The following PLD5 variants were observed in gnomAD, a reference collection of about 807,000 sequenced individuals.
PLD5 encodes phospholipase D family member 5.
Under a neutral mutation model 61.1 loss-of-function variants are expected in PLD5, and 36 were observed. The ratio of observed to expected loss-of-function variants is 0.59; its 90% CI spans 0.45 to 0.78. PLD5 has a LOEUF of 0.78. PLD5 is among the 30% of genes least tolerant of loss of function. The pLI is 0.00. For synonymous variants in PLD5, 243 were observed against 242.8 expected (o/e 1.00, Z -0.01); for missense variants, 515 against 644.4 (o/e 0.80, Z 2.17).
chr1:242,264,690 T>A (rs1420705194), intron 4 of PLD5, among the ~76,000 whole-genome samples: 1 of 152,192 alleles, frequency 6.6e-6, no homozygotes, highest in African/African-American at 2.4e-5. Context: ...CTTTTCCTTT[T>A]AGAGGCTTAC....
rs547267193 is a variant in PLD5 at position 242,242,589 on chromosome 1, C to T, written c.608-22474G>A. ...AATTAACACAACAGGTATCTTTCACCACCCATTAATCACGGATCGTAGACA... is the reference window on the plus strand; with the variant it reads ...AATTAACACAACAGGTATCTTTCACTACCCATTAATCACGGATCGTAGACA... On this transcript the variant is annotated intron_variant, in intron 4 of 9. Coordinates refer to ENST00000536534, the MANE Select transcript of PLD5 (RefSeq NM_001372062.1). Among the ~76,000 whole-genome samples the T allele has an allele frequency of 1.4e-3, 218 of 152,292 alleles. 1 individual carries two copies. The highest frequency in any genetic ancestry group is 2.4e-3 in the Non-Finnish European group (165 of 68,026).
chr1:242,449,019 C>T (rs1225353422), intron 1 of PLD5, among the ~76,000 whole-genome samples: 1 of 152,196 alleles, frequency 6.6e-6, no homozygotes, highest in Admixed American at 6.5e-5. Context: ...ATGGAAATTA[C>T]AGTTACTTTC....
rs551579865 is a variant in PLD5 at position 242,410,363 on chromosome 1, T to C, written c.190-62121A>G. 3.4e-4 allele frequency among the ~76,000 whole-genome samples: 51 copies of C among 152,124 alleles called. No homozygotes were observed. In the South Asian group the frequency reaches 6.0e-3, roughly 18 times the overall value. Reference sequence around the variant, plus strand: ...ACAGTTATACCTGGACAGACACCTGTAAAAAACCCACTGGCTTTCCAGAGT... The same window carrying C: ...ACAGTTATACCTGGACAGACACCTGCAAAAAACCCACTGGCTTTCCAGAGT... On this transcript the variant is annotated intron_variant, in intron 1 of 9. Coordinates refer to ENST00000536534, the MANE Select transcript of PLD5 (RefSeq NM_001372062.1).
At chr1:242,253,005 C>T (rs1218969483) in intron 4 of PLD5, among the ~76,000 whole-genome samples, 1 of 151,374 alleles carries the variant, frequency 6.6e-6, no homozygotes, top group Non-Finnish European at 1.5e-5. Flanking sequence ...TTAGTAGAGA[C>T]ACGGTTTTAC....
At chr1:242,439,005 T>G (rs1320687744) in intron 1 of PLD5, among the ~76,000 whole-genome samples, 7 of 152,218 alleles carry the variant, frequency 4.6e-5, no homozygotes, top group Non-Finnish European at 8.8e-5. Flanking sequence ...TATATTTCTG[T>G]TTTCTTTACA....
chr1:242,511,532 G>A (rs1668907681), intron 1 of PLD5, among the ~76,000 whole-genome samples: 1 of 151,946 alleles, frequency 6.6e-6, no homozygotes, highest in South Asian at 2.1e-4. Context: ...GTGACAAGAA[G>A]TGCACTTGAC....
intron 5 of PLD5, among the ~76,000 whole-genome samples, chr1:242,135,173 A>T (rs577825603): frequency 6.6e-6 from 1 of 152,324 alleles, no homozygotes; most frequent in African/African-American, 2.4e-5. Context: ...AGACATATGT[A>T]TATATATGCA....
chr1:242,188,934 T>C (rs1420872135), intron 5 of PLD5: 1 of 152,128 alleles, frequency 6.6e-6, no homozygotes, highest in African/African-American at 2.4e-5. Flanking sequence ...GGTTGTAGAG[T>C]ATTTCCAAAT....
chr1:242,353,754 G>T (rs1660600974), intron 1 of PLD5, among the ~76,000 whole-genome samples: 1 of 151,758 alleles, frequency 6.6e-6, no homozygotes, highest in Non-Finnish European at 1.5e-5. Context: ...AATTATTCCA[G>T]CCAGAATTAT....
intron 1 of PLD5, among the ~76,000 whole-genome samples, chr1:242,359,689 C>A (rs920357561): frequency 2.0e-5 from 3 of 152,052 alleles, no homozygotes; most frequent in Admixed American, 6.5e-5. Context: ...GTTATTTAGC[C>A]ATGTGCTTCA....
chr1:242,336,250 T>C (rs12058255), intron 2 of PLD5, among the ~76,000 whole-genome samples: 1,816 of 152,336 alleles, frequency 0.012, 28 homozygotes, highest in African/African-American at 0.04. Context: ...ACTATCTGTC[T>C]ATCCACAATT....
chr1:242,286,058 G>A (rs1432919748), intron 3 of PLD5, among the ~76,000 whole-genome samples: 3 of 152,070 alleles, frequency 2.0e-5, no homozygotes, highest in South Asian at 2.1e-4. Context: ...GCAGAGAGCC[G>A]AGGTCGCACC....
chr1:242,138,537 A>G (rs1478145822), intron 5 of PLD5, among the ~76,000 whole-genome samples: 1 of 152,218 alleles, frequency 6.6e-6, no homozygotes, highest in African/African-American at 2.4e-5. Context: ...GTAGAATACT[A>G]TCCATCACTG....
intron 2 of PLD5, among the ~76,000 whole-genome samples, chr1:242,342,726 T>C (rs1308179940): frequency 5.6e-5 from 8 of 143,900 alleles, no homozygotes; most frequent in Admixed American, 5.1e-4. Context: ...ATGGTGGAAG[T>C]GCCCAGAAAT....
chr1:242,524,563 AG>A lies in PLD5; in HGVS notation c.-288del, dbSNP rs1172336566. ...GGGCGGAGGGGGACGGACGGGGAGA[AG>A]GGGGACGAGAGGGGACAGGGAGGGA... is the stretch of plus-strand genomic sequence containing the variant. On this transcript the variant is annotated 5_prime_UTR_variant, in exon 1 of 10. Coordinates refer to ENST00000536534, the MANE Select transcript of PLD5 (RefSeq NM_001372062.1). 1.5e-5 allele frequency: 1 copy of A among 67,950 alleles called. No individual in the cohort carries two copies. Among genetic ancestry groups the A allele is most frequent in the Non-Finnish European group, 3.0e-5 (1 of 33,180 alleles). The allele number at this position is 67,950 out of a possible 1,614,324, so 4.2% of individuals were successfully genotyped here. A position where few individuals can be genotyped will look rare whatever the true frequency, so the allele number is the denominator to read the frequency against.
At chr1:242,471,866 T>A (rs1249439695) in intron 1 of PLD5, among the ~76,000 whole-genome samples, 2 of 152,240 alleles carry the variant, frequency 1.3e-5, no homozygotes, top group East Asian at 3.8e-4. Flanking sequence ...TTCATGTTCC[T>A]ACTGTTAGCT....
At chr1:242,466,884 C>T (rs1421792179) in intron 1 of PLD5, among the ~76,000 whole-genome samples, 1 of 142,852 alleles carries the variant, frequency 7.0e-6, no homozygotes, top group Non-Finnish European at 1.5e-5. Context: ...CAGAGTGAGA[C>T]TCCATCTCAA....
chr1:242,397,735 T>C (rs927317781), intron 1 of PLD5, among the ~76,000 whole-genome samples: 3 of 151,936 alleles, frequency 2.0e-5, no homozygotes, highest in African/African-American at 7.2e-5. Context: ...TCATCTCCTG[T>C]GGGAATTCTT....
intron 2 of PLD5, among the ~76,000 whole-genome samples, chr1:242,324,955 C>A (rs1296601396): frequency 6.6e-6 from 1 of 152,184 alleles, no homozygotes; most frequent in Non-Finnish European, 1.5e-5. Context: ...AAATATCTTT[C>A]AACAACCGTA....
Sources: allele counts gnomAD v4.1 joint callset (sites outside exome capture counted in the v4.1 genomes callset), GRCh38; gene constraint gnomAD v4.1.1; transcripts MANE v1.5; gene names NCBI Gene and HGNC (gene_info 2026-07-23, HGNC 2026-07-21).